The following HEPACAM variants were observed in gnomAD, a reference collection of about 807,000 sequenced individuals.
The protein encoded by HEPACAM is hepatocyte cell adhesion molecule.
A neutral mutation model predicts 38.3 loss-of-function variants in HEPACAM; 18 were observed. The observed-to-expected ratio is 0.47, with a 90% CI of 0.33 to 0.70. The LOEUF (loss-of-function observed/expected upper bound fraction) is 0.70, where lower values mean the gene tolerates loss of function less well. Ranked by LOEUF, HEPACAM falls within the 30% of genes least tolerant of loss-of-function variation. The pLI, the probability that HEPACAM is intolerant of heterozygous loss-of-function variation, is 0.03. For synonymous variants in HEPACAM, 216 were observed against 243.1 expected, an observed-to-expected ratio of 0.89 and a Z score of 1.04; for missense variants, 466 against 563.0, an observed-to-expected ratio of 0.83 and a Z score of 1.74.
chr11:124,934,166 G>T (rs1565342745), intron 1 of HEPACAM, among the ~76,000 whole-genome samples: 1 of 151,892 alleles, frequency 6.6e-6, no homozygotes, highest in Non-Finnish European at 1.5e-5. Flanking sequence ...TTTGTTTAAG[G>T]TTTCACACAG....
chr11:124,933,195 A>G (rs1452599431), intron 1 of HEPACAM, among the ~76,000 whole-genome samples: 1 of 151,286 alleles, frequency 6.6e-6, no homozygotes, highest in Non-Finnish European at 1.5e-5. Flanking sequence ...TTTTTTTGAG[A>G]AAGGTTCTTG....
Position 124,920,160 on chromosome 11 carries a change from T to A in HEPACAM, c.*978A>T. 9.9e-7 allele frequency: 1 copy of A among 1,006,958 alleles called. No homozygotes were observed. Among genetic ancestry groups the A allele is most frequent in the South Asian group, 1.6e-5 (1 of 61,112 alleles). 62.4% of individuals were successfully genotyped at this position (1,006,958 alleles called of 1,614,324 possible). A position where few individuals can be genotyped will look rare whatever the true frequency, so the allele number is the denominator to read the frequency against. On this transcript the variant is annotated 3_prime_UTR_variant, in exon 7 of 7. Coordinates refer to ENST00000298251, the MANE Select transcript of HEPACAM (RefSeq NM_152722.5). ...CCTCCTCCTCCCCCCACCATTTCTC[T>A]GGAGATTAGGACTTATTCTCACAGC...
Position 124,922,805 on chromosome 11 carries a change from G to A in HEPACAM, c.817C>T (p.Leu273=), listed in dbSNP as rs765602982. Reference sequence around the variant, plus strand: ...TATTCCAGGGAGTTTTGCTTTTCTAGCTTCTTCTGTTTCCTGTGAATCAAT... The same window carrying A: ...TATTCCAGGGAGTTTTGCTTTTCTAACTTCTTCTGTTTCCTGTGAATCAAT... ...WKPSKRKQKK[L]EKQNSLEYMD... The change falls in exon 5 of 7, where the codon CTA becomes TTA. Residue 273 remains leucine (L), a synonymous_variant. Transcript: ENST00000298251. 1.6e-5 allele frequency: 26 copies of A among 1,614,020 alleles called. No homozygotes were observed. The South Asian group carries it at 2.6e-4, about 16-fold the overall frequency.
In HEPACAM at chr11:124,919,549, C is replaced by T. The variant is rs1947094599; in HGVS notation, c.*1589G>A. 1.3e-5 allele frequency: 8 copies of T among 600,958 alleles called. No homozygotes were observed. The highest frequency in any genetic ancestry group is 4.4e-5 in the South Asian group (2 of 45,932). 37.2% of individuals were successfully genotyped at this position (600,958 alleles called of 1,614,324 possible). A position where few individuals can be genotyped will look rare whatever the true frequency, so the allele number is the denominator to read the frequency against. Reference sequence around the variant, plus strand: ...TTCCACCTTCTTGAGAAACTTTTCCCCTACATGCATTATCTCATTATGGAT... The same window carrying T: ...TTCCACCTTCTTGAGAAACTTTTCCTCTACATGCATTATCTCATTATGGAT... On this transcript the variant is annotated 3_prime_UTR_variant, in exon 7 of 7. Coordinates refer to ENST00000298251, the MANE Select transcript of HEPACAM (RefSeq NM_152722.5).
chr11:124,923,226 G>C, intron 4 of HEPACAM, 114 bp downstream of exon 4: 4 of 805,730 alleles, frequency 5.0e-6, no homozygotes, highest in South Asian at 1.3e-5. Flanking sequence ...TGGATCTCTC[G>C]GAAAGAGATG....
At position 124,935,947 on chromosome 11, in the gene HEPACAM, A is replaced by C. The variant is rs758933521; in HGVS notation, c.60T>G (p.Phe20Leu). Residue 20 changes from phenylalanine to leucine, a missense_variant, in exon 1 of 7, where the codon TTT becomes TTG. Transcript: ENST00000298251. ...CTGTCTGGATCAGAAGAAGGTAGAC[A>C]AAAGGAGCAAGGCGCAGGGCCCTGG... Reference protein sequence around the residue: ...RASRALRLAPFVYLLLIQTDP... With the variant: ...RASRALRLAPLVYLLLIQTDP... The C allele has an allele frequency of 1.2e-6, 2 of 1,614,006 alleles. No homozygotes were observed. The highest frequency in any genetic ancestry group is 1.7e-6 in the Non-Finnish European group (2 of 1,179,954).
chr11:124,935,864 C>G, intron 1 of HEPACAM, 58 bp downstream of exon 1: 1 of 1,478,378 alleles, frequency 6.8e-7, no homozygotes, highest in Non-Finnish European at 9.5e-7. Flanking sequence ...TCCCCTCCGT[C>G]TGCTGTAAAA....
intron 3 of HEPACAM, 57 bp from the exon 4 acceptor site, chr11:124,923,490 G>A: frequency 1.5e-6 from 2 of 1,296,256 alleles, no homozygotes; most frequent in Non-Finnish European, 2.2e-6. Flanking sequence ...AAGATGTGGT[G>A]AGCAGAACTT....
In HEPACAM at chr11:124,924,459, G is replaced by C. The variant is rs1947181125; in HGVS notation, c.427+269C>G. On this transcript the variant is annotated intron_variant, in intron 2 of 6. Transcript: ENST00000298251. The surrounding 1 kb of genome is among the most constrained non-coding windows in gnomAD (Gnocchi z 4.4). ...CTCACTTTCCTCATCTGCAAAATTA[G>C]GATAATGATATGAACTATCACCAGA... Among the ~76,000 whole-genome samples the C allele has an allele frequency of 6.6e-6, 1 of 152,138 alleles. No individual in the cohort carries two copies. The highest frequency in any genetic ancestry group is 1.5e-5 in the Non-Finnish European group (1 of 68,018).
chr11:124,930,323 G>C (rs558634029), intron 1 of HEPACAM, among the ~76,000 whole-genome samples: 1 of 152,172 alleles, frequency 6.6e-6, no homozygotes, highest in East Asian at 1.9e-4. Context: ...GTGGATGTTG[G>C]GGCTGCCGTG....
chr11:124,935,969 C>T lies in HEPACAM; in HGVS notation c.38G>A (p.Arg13Lys). The T allele has an allele frequency of 6.2e-7, 1 of 1,614,100 alleles. No individual in the cohort carries two copies. Among genetic ancestry groups the T allele is most frequent in the Non-Finnish European group, 8.5e-7 (1 of 1,180,014 alleles). ...RERGALSRAS[R>K]ALRLAPFVYL... ...GACAAAAGGAGCAAGGCGCAGGGCC[C>T]TGGAGGCTCTGGACAGGGCTCCCCT... Residue 13 changes from arginine (R) to lysine (K), a missense_variant, in exon 1 of 7, where the codon AGG (arginine) becomes AAG (lysine). Physicochemically the swap from Arg to Lys is conservative, Grantham distance 26 (BLOSUM62 2). Transcript: ENST00000298251.
Position 124,924,107 on chromosome 11 carries a change from A to G in HEPACAM, c.428-97T>C, listed in dbSNP as rs1947176456. ...TGCCTTCCAACACACCTTTAACACT[A>G]CCTTCCAACTCAATCTGTGGGCTGA... On this transcript the variant is annotated intron_variant, in intron 2 of 6. Coordinates refer to ENST00000298251, the MANE Select transcript of HEPACAM (RefSeq NM_152722.5). This position sits in a 1 kb window ranked among gnomAD's most constrained non-coding sequence, Gnocchi z 4.4. 4.4e-6 allele frequency: 5 copies of G among 1,147,892 alleles called. No individual in the cohort carries two copies. The highest frequency in any genetic ancestry group is 6.3e-6 in the Non-Finnish European group (5 of 794,650). The allele number at this position is 1,147,892 out of a possible 1,614,324, so 71.1% of individuals were successfully genotyped here. A position where few individuals can be genotyped will look rare whatever the true frequency, so the allele number is the denominator to read the frequency against.
At chr11:124,922,278 G>A in intron 6 of HEPACAM, 110 bp downstream of exon 6, 1 of 1,195,010 alleles carries the variant, frequency 8.4e-7, no homozygotes, top group South Asian at 1.2e-5. Context: ...TGCCAAAACC[G>A]TTGGGGACTG....
chr11:124,922,607 T>C (rs1159848359), intron 5 of HEPACAM, 138 bp downstream of exon 5: 3 of 1,610,550 alleles, frequency 1.9e-6, no homozygotes, highest in Non-Finnish European at 2.5e-6. Context: ...AACCTTTCCC[T>C]CCTCTGCAGT....
chr11:124,922,279 T>A, intron 6 of HEPACAM, 109 bp downstream of exon 6: 1 of 1,193,452 alleles, frequency 8.4e-7, no homozygotes, highest in South Asian at 1.2e-5. Flanking sequence ...GCCAAAACCG[T>A]TGGGGACTGC....
rs1947119090 is a variant in HEPACAM, at chr11:124,920,685, A to AGG, written c.*452_*453insCC. On this transcript the variant is annotated 3_prime_UTR_variant, in exon 7 of 7. Transcript: ENST00000298251. ...CTCTCTAATCTGAACTTGCAAAAAA[A>AGG]AAAAAAAAAAAAAAAAAAAAAAAAG... is the stretch of plus-strand genomic sequence containing the variant. 1.0e-6 allele frequency: 1 copy of AGG among 958,824 alleles called. No homozygotes were observed. Among genetic ancestry groups the AGG allele is most frequent in the African/African-American group, 1.9e-5 (1 of 51,914 alleles). The allele number at this position is 958,824 out of a possible 1,614,324, so 59.4% of individuals were successfully genotyped here. A position where few individuals can be genotyped will look rare whatever the true frequency, so the allele number is the denominator to read the frequency against.
At chr11:124,925,224 C>G (rs147910818) in intron 1 of HEPACAM, among the ~76,000 whole-genome samples, 155 bp from the exon 2 acceptor site, 2 of 152,338 alleles carry the variant, frequency 1.3e-5, no homozygotes, top group Non-Finnish European at 2.9e-5. Context: ...GCTATCTCCT[C>G]CCCCACAGTA....
chr11:124,919,739 G>A lies in HEPACAM; in HGVS notation c.*1399C>T, dbSNP rs778846572. ...TTGGGGCTGAGACAAAACTTGACCT[G>A]GTGTGGAGGTGATGGGTAACTGGGG... On this transcript the variant is annotated 3_prime_UTR_variant, in exon 7 of 7. Transcript: ENST00000298251. 1.9e-6 allele frequency: 3 copies of A among 1,612,752 alleles called. No individual in the cohort carries two copies. In the African/African-American group the frequency reaches 4.0e-5, roughly 22 times the overall value.
At position 124,924,719 on chromosome 11, in the gene HEPACAM, G is replaced by GC; in HGVS notation, c.427+8dup. The GC allele has an allele frequency of 6.2e-7, 1 of 1,610,880 alleles. No individual in the cohort carries two copies. Among genetic ancestry groups the GC allele is most frequent in the Non-Finnish European group, 8.5e-7 (1 of 1,177,112 alleles). On this transcript the variant is annotated intron_variant, in intron 2 of 6. Coordinates refer to ENST00000298251, the MANE Select transcript of HEPACAM (RefSeq NM_152722.5). The surrounding 1 kb of genome is among the most constrained non-coding windows in gnomAD (Gnocchi z 4.4). ...CAGTCTTGCCTCTTTCCCTGCCAGA[G>GC]CGCTTTACCATCTACAGTAAGGTTG...
Sources: allele counts gnomAD v4.1 joint callset (sites outside exome capture counted in the v4.1 genomes callset), GRCh38; gene constraint gnomAD v4.1.1; non-coding constraint Gnocchi (gnomAD v3.1); transcripts MANE v1.5; gene names NCBI Gene and HGNC (gene_info 2026-07-23, HGNC 2026-07-21).